The following SLC38A6 variants were observed in gnomAD, a reference collection of about 807,000 sequenced individuals.
SLC38A6 encodes the protein solute carrier family 38 member 6.
A neutral mutation model predicts 65.0 loss-of-function variants in SLC38A6; 73 were observed. That is an observed-to-expected ratio of 1.12 (90% CI 0.93 to 1.37). The LOEUF is 1.37. SLC38A6 is among the 40% of genes most tolerant of loss of function. The pLI is 0.00. For synonymous variants in SLC38A6, 183 were observed against 178.8 expected (o/e 1.02, Z -0.19); for missense variants, 561 against 531.1 (o/e 1.06, Z -0.55).
rs768000534 is a variant in SLC38A6 at position 61,045,327 on chromosome 14, T to C, written c.745-19T>C. The C allele has an allele frequency of 1.3e-6, 2 of 1,570,756 alleles. No individual in the cohort carries two copies. The highest frequency in any genetic ancestry group is 2.3e-5 in the South Asian group (2 of 88,754). ...TAGAGTGGCATTTAATAATTTTGTC[T>C]CTTTAAAATTTTTTTCAGAGTGCTT... On this transcript the variant is annotated intron_variant, in intron 10 of 15. Transcript: ENST00000267488.
chr14:61,023,249 A>G (rs1263164728), intron 5 of SLC38A6, among the ~76,000 whole-genome samples: 1 of 152,160 alleles, frequency 6.6e-6, no homozygotes, highest in Non-Finnish European at 1.5e-5. Flanking sequence ...GGAGAGTTAG[A>G]TCTCATTTAT....
chr14:61,026,360 G>C (rs1010626729), intron 5 of SLC38A6, among the ~76,000 whole-genome samples: 1 of 152,058 alleles, frequency 6.6e-6, no homozygotes, highest in Admixed American at 6.6e-5. Context: ...TAGAGTCATA[G>C]CAGTAGATGC....
At chr14:61,022,237 C>T (rs777795016) in intron 5 of SLC38A6, among the ~76,000 whole-genome samples, 4 of 151,976 alleles carry the variant, frequency 2.6e-5, no homozygotes, top group Non-Finnish European at 5.9e-5. Flanking sequence ...AACTATTGCC[C>T]TAAAAGCATT....
intron 10 of SLC38A6, among the ~76,000 whole-genome samples, chr14:61,045,005 GTTA>G (rs1429730582): frequency 6.6e-6 from 1 of 152,000 alleles, no homozygotes; most frequent in Non-Finnish European, 1.5e-5. Flanking sequence ...TTTCTAAAAT[GTTA>G]TTTTTATCTC....
intron 12 of SLC38A6, among the ~76,000 whole-genome samples, chr14:61,049,400 T>A (rs1486805520): frequency 6.6e-6 from 1 of 152,176 alleles, no homozygotes; most frequent in Non-Finnish European, 1.5e-5. Context: ...CCCCCACATC[T>A]TTGAACATCA....
At chr14:60,998,790 C>T (rs1193660198) in intron 3 of SLC38A6, among the ~76,000 whole-genome samples, 1 of 152,226 alleles carries the variant, frequency 6.6e-6, no homozygotes, top group East Asian at 1.9e-4. Context: ...GGTCTGCGAG[C>T]TCCGCCTCCT....
At chr14:61,079,769 C>G (rs1374413175) in intron 16 of SLC38A6, among the ~76,000 whole-genome samples, 1 of 152,174 alleles carries the variant, frequency 6.6e-6, no homozygotes, top group Non-Finnish European at 1.5e-5. Flanking sequence ...ACCCATCCAC[C>G]TCAGAGACTT....
chr14:60,997,065 G>A (rs1340171124), intron 3 of SLC38A6, among the ~76,000 whole-genome samples: 1 of 152,154 alleles, frequency 6.6e-6, no homozygotes, highest in Non-Finnish European at 1.5e-5. Flanking sequence ...GGAATTCCCA[G>A]GACATAACTA....
chr14:61,017,336 G>A (rs1293204023), intron 4 of SLC38A6, among the ~76,000 whole-genome samples: 1 of 152,162 alleles, frequency 6.6e-6, no homozygotes, highest in African/African-American at 2.4e-5. Context: ...ACCGCGCCCG[G>A]CCCTAACTTT....
intron 4 of SLC38A6, among the ~76,000 whole-genome samples, chr14:61,016,474 T>G (rs1333117441): frequency 6.6e-6 from 1 of 152,202 alleles, no homozygotes; most frequent in Non-Finnish European, 1.5e-5. Flanking sequence ...TTGTCAACTA[T>G]TATATAAAGC....
At chr14:61,074,926 A>C (rs1011558722) in intron 15 of SLC38A6, among the ~76,000 whole-genome samples, 2 of 152,124 alleles carry the variant, frequency 1.3e-5, no homozygotes, top group African/African-American at 4.8e-5. Flanking sequence ...TGGCACAGCA[A>C]TGTGAGTTTA....
intron 8 of SLC38A6, among the ~76,000 whole-genome samples, chr14:61,040,329 G>A (rs139785090): frequency 3.3e-5 from 5 of 149,462 alleles, no homozygotes; most frequent in South Asian, 2.1e-4. Flanking sequence ...ATACCACCAC[G>A]CCTGGATAAT....
intron 3 of SLC38A6, among the ~76,000 whole-genome samples, chr14:60,995,074 A>C (rs552915063): frequency 2.1e-4 from 32 of 152,128 alleles, no homozygotes; most frequent in Admixed American, 1.9e-3. Context: ...AGGAATCTTA[A>C]ATGTATACTG....
chr14:61,014,611 C>A (rs1265290363), intron 3 of SLC38A6, among the ~76,000 whole-genome samples: 1 of 152,082 alleles, frequency 6.6e-6, no homozygotes, highest in African/African-American at 2.4e-5. Flanking sequence ...CAGTTAGGAC[C>A]CTCAGCTGCA....
At chr14:60,982,213 C>G in intron 1 of SLC38A6, 3 of 488,052 alleles carry the variant, frequency 6.1e-6, no homozygotes, top group South Asian at 4.6e-5. Context: ...CACTCCATTC[C>G]CATCCTATCT....
At chr14:61,077,676 T>C (rs1245987273) in intron 15 of SLC38A6, among the ~76,000 whole-genome samples, 2 of 152,218 alleles carry the variant, frequency 1.3e-5, no homozygotes, top group African/African-American at 2.4e-5. Context: ...CTTTCATTCA[T>C]CCAGAATGGT....
chr14:60,984,555 G>A (rs1191178720), intron 2 of SLC38A6, among the ~76,000 whole-genome samples, 175 bp from the exon 3 acceptor site: 1 of 151,642 alleles, frequency 6.6e-6, no homozygotes, highest in South Asian at 2.1e-4. Flanking sequence ...AATAAAATTG[G>A]TAAATACAAA....
At chr14:60,998,467 A>C (rs1248433482) in intron 3 of SLC38A6, among the ~76,000 whole-genome samples, 2 of 152,078 alleles carry the variant, frequency 1.3e-5, no homozygotes, top group African/African-American at 4.8e-5. Context: ...CTCCAGGGGA[A>C]GATCATCTTC....
At chr14:61,074,011 A>G (rs1196886384) in intron 15 of SLC38A6, 1 of 152,156 alleles carries the variant, frequency 6.6e-6, no homozygotes, top group African/African-American at 2.4e-5. Context: ...CTTTATTGTA[A>G]GAAAATAGTA....
Sources: gnomAD v4.1 joint callset for allele counts (sites outside exome capture counted in the v4.1 genomes callset) on GRCh38, gnomAD v4.1.1 for gene constraint, MANE v1.5 for transcripts, NCBI Gene and HGNC (gene_info 2026-07-23, HGNC 2026-07-21) for gene names.